The following DCC variants were observed in gnomAD, a reference collection of about 807,000 sequenced individuals.
DCC encodes DCC netrin 1 receptor, also known as netrin receptor DCC.
A neutral mutation model predicts 172.5 loss-of-function variants in DCC; 58 were observed. That is an observed-to-expected ratio of 0.34 (90% CI 0.27 to 0.42). The LOEUF (loss-of-function observed/expected upper bound fraction) is 0.42, where lower values mean the gene tolerates loss of function less well. Ranked by LOEUF, DCC falls within the 10% of genes least tolerant of loss-of-function variation. DCC has a pLI of 1.00. For synonymous variants in DCC, 709 were observed against 644.5 expected, an observed-to-expected ratio of 1.10 and a Z score of -1.52; for missense variants, 1,740 against 1,791.0, an observed-to-expected ratio of 0.97 and a Z score of 0.51.
intron 2 of DCC, among the ~76,000 whole-genome samples, chr18:52,801,330 C>A (rs148772708): frequency 7.9e-4 from 121 of 152,266 alleles, no homozygotes; most frequent in African/African-American, 2.8e-3. Context: ...ACAACAGTAA[C>A]AACAGCTCAC....
intron 1 of DCC, among the ~76,000 whole-genome samples, 197 bp downstream of exon 1, chr18:52,341,075 G>A (rs1220028263): frequency 2.0e-5 from 3 of 150,338 alleles, no homozygotes; most frequent in Admixed American, 2.0e-4. Flanking sequence ...TGGGGGGGTG[G>A]TACAAGGGGC....
chr18:52,835,861 A>G (rs2038695772), intron 2 of DCC, among the ~76,000 whole-genome samples: 1 of 152,242 alleles, frequency 6.6e-6, no homozygotes, highest in Admixed American at 6.5e-5. Flanking sequence ...TTTCAAAAAG[A>G]TTCAGATGGC....
chr18:53,219,888 T>C (rs1055780684), intron 12 of DCC, among the ~76,000 whole-genome samples: 1 of 152,176 alleles, frequency 6.6e-6, no homozygotes, highest in African/African-American at 2.4e-5. Context: ...TATTTTAACA[T>C]TCTTTGTGTG....
At chr18:53,102,422 G>A (rs1298460311) in intron 7 of DCC, among the ~76,000 whole-genome samples, 1 of 152,050 alleles carries the variant, frequency 6.6e-6, no homozygotes, top group Non-Finnish European at 1.5e-5. Context: ...CTAGGATCTA[G>A]ATTTTGCAAT....
At chr18:52,603,353 C>G (rs572506814) in intron 1 of DCC, among the ~76,000 whole-genome samples, 1 of 151,674 alleles carries the variant, frequency 6.6e-6, no homozygotes, top group Admixed American at 6.6e-5. Flanking sequence ...TCCATTAGAC[C>G]GAGAATTAGG....
intron 27 of DCC, among the ~76,000 whole-genome samples, chr18:53,506,981 C>T (rs2046187654): frequency 6.6e-6 from 1 of 152,082 alleles, no homozygotes; most frequent in Non-Finnish European, 1.5e-5. Context: ...TCACTTTTCT[C>T]ATCTGTGAAA....
intron 1 of DCC, among the ~76,000 whole-genome samples, chr18:52,626,810 T>C (rs2034581607): frequency 6.6e-6 from 1 of 151,758 alleles, no homozygotes; most frequent in African/African-American, 2.4e-5. Flanking sequence ...TATTATATAA[T>C]CTAGAGAGGA....
At chr18:53,099,930 C>CTTTCTTTTTTTT (rs1568304400) in intron 7 of DCC, among the ~76,000 whole-genome samples, 2 of 89,708 alleles carry the variant, frequency 2.2e-5, no homozygotes, top group Admixed American at 9.6e-5. Context: ...CTTTTCTTTT[C>CTTTCTTTTTTTT]TTTTCTTTCT....
intron 21 of DCC, among the ~76,000 whole-genome samples, chr18:53,418,341 C>T (rs564867170): frequency 8.5e-5 from 13 of 152,142 alleles, no homozygotes; most frequent in African/African-American, 2.7e-4. Flanking sequence ...AGTTGATGAC[C>T]ACATGCATGA....
chr18:52,839,663 TTTA>T lies in DCC; in HGVS notation c.413-66378_413-66376del, dbSNP rs148773546. 8.9e-3 allele frequency among the ~76,000 whole-genome samples: 1,361 copies of T among 152,308 alleles called. 22 individuals carry two copies. Among genetic ancestry groups the T allele is most frequent in the African/African-American group, 0.031 (1,300 of 41,564 alleles). On this transcript the variant is annotated intron_variant, in intron 2 of 28. Transcript: ENST00000442544. ...AAAACAGGTTATGATTGCTTAGAAA[TTTA>T]TTCTAAGAGCAAAATTTAACACATC...
At chr18:53,477,047 T>C (rs985128759) in intron 25 of DCC, among the ~76,000 whole-genome samples, 1 of 152,252 alleles carries the variant, frequency 6.6e-6, no homozygotes, top group African/African-American at 2.4e-5. Flanking sequence ...TCTCACTCTG[T>C]TGCCCAGCTG....
In DCC at chr18:52,744,286, T is replaced by C. The variant is rs573058803; in HGVS notation, c.92-7768T>C. Among the ~76,000 whole-genome samples, 5 of 152,312 alleles carry C rather than the reference T, an allele frequency of 3.3e-5. No individual in the cohort carries two copies. The East Asian group carries it at 9.6e-4, about 29-fold the overall frequency. ...TTTTGTTCACTAAATCTGGCAACTC[T>C]AATGAGGGAGAAACTTTGACTGTTC... On this transcript the variant is annotated intron_variant, in intron 1 of 28. Transcript: ENST00000442544.
chr18:53,320,873 T>G (rs1050045262), intron 13 of DCC, among the ~76,000 whole-genome samples: 3 of 152,200 alleles, frequency 2.0e-5, no homozygotes, highest in Admixed American at 6.5e-5. Flanking sequence ...TTCATGGAGC[T>G]TCTAGTCTAT....
At chr18:52,367,124 A>G (rs1598866393) in intron 1 of DCC, among the ~76,000 whole-genome samples, 1 of 151,982 alleles carries the variant, frequency 6.6e-6, no homozygotes, top group Non-Finnish European at 1.5e-5. Context: ...GACCCAGTAC[A>G]CCCTCCACAG....
intron 5 of DCC, among the ~76,000 whole-genome samples, chr18:53,045,998 C>T (rs2042232972): frequency 6.6e-6 from 1 of 151,746 alleles, no homozygotes; most frequent in East Asian, 1.9e-4. Flanking sequence ...CATACAAATG[C>T]TTTTTCCATG....
chr18:53,299,434 T>TA (rs1262897630), intron 12 of DCC, among the ~76,000 whole-genome samples: 4 of 152,206 alleles, frequency 2.6e-5, no homozygotes, highest in African/African-American at 9.6e-5. Flanking sequence ...ACGTTGTCCT[T>TA]ACATCTTGAG....
Position 52,715,356 on chromosome 18 carries a change from G to A in DCC, c.92-36698G>A, listed in dbSNP as rs972897115. Among the ~76,000 whole-genome samples, 6 of 149,978 alleles carry A rather than the reference G, an allele frequency of 4.0e-5. 1 individual carries two copies. The highest frequency in any genetic ancestry group is 4.3e-4 in the South Asian group (2 of 4,698). On this transcript the variant is annotated intron_variant, in intron 1 of 28. Transcript: ENST00000442544. The stretch of plus-strand genomic sequence containing the variant: ...ACTTTATTGCCCAGGCTGGAGTGCC[G>A]TGGCATGATATCAGCTCACTGCAAC...
At chr18:53,385,986 G>A in intron 15 of DCC, 57 bp from the exon 16 acceptor site, 2 of 1,156,572 alleles carry the variant, frequency 1.7e-6, no homozygotes, top group Non-Finnish European at 2.6e-6. Flanking sequence ...TTTGCCTTGA[G>A]TATTTTGATA....
chr18:52,685,080 C>T (rs1254422109), intron 1 of DCC, among the ~76,000 whole-genome samples: 1 of 151,874 alleles, frequency 6.6e-6, no homozygotes, highest in South Asian at 2.1e-4. Context: ...CAAATTAGTT[C>T]AATTAAGGAA....
Sources: allele counts gnomAD v4.1 joint callset (sites outside exome capture counted in the v4.1 genomes callset), GRCh38; gene constraint gnomAD v4.1.1; transcripts MANE v1.5; gene names NCBI Gene and HGNC (gene_info 2026-07-23, HGNC 2026-07-21).